The following CEACAM21 variants were observed in gnomAD, a reference collection of about 807,000 sequenced individuals.
CEACAM21 encodes cell adhesion molecule CEACAM21.
Under a neutral mutation model 33.2 loss-of-function variants are expected in CEACAM21, and 38 were observed. The ratio of observed to expected loss-of-function variants is 1.14; its 90% CI spans 0.88 to 1.50. CEACAM21 has a LOEUF of 1.50. Among genes scored for constraint, CEACAM21 ranks in the 40% most tolerant of loss-of-function variants. CEACAM21 has a pLI of 0.00. For synonymous variants in CEACAM21, 156 were observed against 143.0 expected (o/e 1.09, Z -0.65); for missense variants, 385 against 364.6 (o/e 1.06, Z -0.46).
intron 2 of CEACAM21, among the ~76,000 whole-genome samples, chr19:41,566,109 A>T (rs1002067012): frequency 6.6e-6 from 1 of 152,114 alleles, no homozygotes; most frequent in Non-Finnish European, 1.5e-5. Context: ...CCACCAAAGG[A>T]TCTCCAAGAT....
At chr19:41,576,365 G>A (rs1479051885) in intron 1 of CEACAM21, 27 bp downstream of exon 1, 7 of 1,598,248 alleles carry the variant, frequency 4.4e-6, no homozygotes, top group Non-Finnish European at 6.0e-6. Flanking sequence ...CTGGGAGTGG[G>A]TGGGAGGAGG....
intron 1 of CEACAM21, among the ~76,000 whole-genome samples, chr19:41,558,368 C>T (rs1469385222): frequency 6.6e-6 from 1 of 152,162 alleles, no homozygotes; most frequent in Non-Finnish European, 1.5e-5. Flanking sequence ...AAAAACCCAG[C>T]TGGGCACGGT....
Position 41,579,432 on chromosome 19 carries a change from A to T in CEACAM21, c.504A>T (p.Thr168=). ...GCTCCGTGGTCCTGACCTGCCACAC[A>T]AATAACACTGGAACCTCTTTCCAGT... is the stretch of plus-strand genomic sequence containing the variant. ...EKGSVVLTCH[T]NNTGTSFQWI... The change falls in exon 3 of 7, where the codon ACA becomes ACT. Residue 168 remains threonine, a synonymous_variant. Coordinates refer to ENST00000401445, the MANE Select transcript of CEACAM21 (RefSeq NM_001098506.4). 6.2e-7 allele frequency: 1 copy of T among 1,613,920 alleles called. No homozygotes were observed. Among genetic ancestry groups the T allele is most frequent in the African/African-American group, 1.3e-5 (1 of 75,012 alleles).
chr19:41,577,222 C>G lies in CEACAM21; in HGVS notation c.87C>G (p.Asn29Lys), dbSNP rs545179785. Residue 29 changes from asparagine (N) to lysine (K), a missense_variant, in exon 2 of 7, where the codon AAC becomes AAG. Transcript: ENST00000401445. The stretch of plus-strand genomic sequence containing the variant: ...TAGCCTCACTTTTAACTTTCTGGAA[C>G]GCACCCACCACTGCCTGGCTCTTTA... Reference protein sequence around the residue: ...LLTASLLTFWNAPTTAWLFIA... With the variant: ...LLTASLLTFWKAPTTAWLFIA... 3 of 1,614,090 alleles carry G rather than the reference C, an allele frequency of 1.9e-6. No individual in the cohort carries two copies. In the South Asian group the frequency reaches 3.3e-5, roughly 18 times the overall value.
At chr19:41,552,499 G>T (rs1459390711) in intron 1 of CEACAM21, among the ~76,000 whole-genome samples, 1 of 152,188 alleles carries the variant, frequency 6.6e-6, no homozygotes, top group African/African-American at 2.4e-5. Context: ...GGCACTTTCA[G>T]CTTTTGATAC....
At chr19:41,576,413 G>C in intron 1 of CEACAM21, 75 bp downstream of exon 1, 1 of 1,487,456 alleles carries the variant, frequency 6.7e-7, no homozygotes, top group Non-Finnish European at 9.1e-7. Context: ...GGGGAGGATG[G>C]GGCTCTGAGA....
intron 2 of CEACAM21, among the ~76,000 whole-genome samples, chr19:41,565,829 A>G (rs2042223834): frequency 2.6e-5 from 4 of 152,166 alleles, no homozygotes; most frequent in Admixed American, 2.6e-4. Flanking sequence ...TAGGTGACTA[A>G]TAAATAAAAA....
Position 41,579,198 on chromosome 19 carries a change from C to T in CEACAM21, c.425-155C>T, listed in dbSNP as rs185440805. 5 of 1,244,622 alleles carry T rather than the reference C, an allele frequency of 4.0e-6. No individual in the cohort carries two copies. The Middle Eastern group carries it at 6.0e-4, about 150-fold the overall frequency. 77.1% of individuals were successfully genotyped at this position (1,244,622 alleles called of 1,614,324 possible). A position where few individuals can be genotyped will look rare whatever the true frequency, so the allele number is the denominator to read the frequency against. ...GTCTCTGAGGTCACTGTAGTCCCTA[C>T]TGCTCGCTGCTATGGGTGTCTCTGG... is the stretch of plus-strand genomic sequence containing the variant. On this transcript the variant is annotated intron_variant, in intron 2 of 6. Transcript: ENST00000401445.
rs1047614085 is a variant in CEACAM21 at position 41,553,075 on chromosome 19, T to C, written c.-779+3523T>C. On this transcript the variant is annotated intron_variant, in intron 1 of 7. Coordinates refer to the CEACAM21 transcript ENST00000407170. The stretch of plus-strand genomic sequence containing the variant: ...CTAGAATTTAAAAACAGGTGTACTA[T>C]AGTTTCCAAAAGTTTTTGAAACATA... Among the ~76,000 whole-genome samples the C allele has an allele frequency of 2.0e-5, 3 of 152,106 alleles. 1 individual carries two copies. Among genetic ancestry groups the C allele is most frequent in the Non-Finnish European group, 4.4e-5 (3 of 67,966 alleles).
intron 1 of CEACAM21, among the ~76,000 whole-genome samples, chr19:41,563,886 G>T (rs781985984): frequency 3.3e-5 from 5 of 152,222 alleles, no homozygotes; most frequent in African/African-American, 9.6e-5. Context: ...CCATGGAGCT[G>T]CCCTAAGGCT....
rs75057543 is a variant in CEACAM21, at chr19:41,577,183, T to C, written c.65-17T>C. 7,609 of 1,613,388 alleles carry C rather than the reference T, an allele frequency of 4.7e-3. 317 individuals are homozygous for C. The African/African-American group carries it at 0.09, about 19-fold the overall frequency. ...TGCATAGGTCAAATATTGACTGATA[T>C]TCTCTCCCTTTCCTAGCCTCACTTT... On this transcript the variant is annotated splice_polypyrimidine_tract_variant and intron_variant, in intron 1 of 6. Transcript: ENST00000401445.
intron 1 of CEACAM21, among the ~76,000 whole-genome samples, chr19:41,559,964 A>G (rs1351434717): frequency 6.6e-6 from 1 of 152,196 alleles, no homozygotes; most frequent in Non-Finnish European, 1.5e-5. Context: ...AGCCTGGACA[A>G]CAGGGCAATA....
upstream of CEACAM21, among the ~76,000 whole-genome samples, chr19:41,571,718 T>C (rs552531138): frequency 1.6e-4 from 24 of 152,364 alleles, no homozygotes; most frequent in South Asian, 4.6e-3. Flanking sequence ...CTGGACAGTG[T>C]TGGGGTCTTA....
rs187562926 is a variant in CEACAM21 at position 41,559,668 on chromosome 19, G to T, written c.-778-5014G>T. Among the ~76,000 whole-genome samples the T allele has an allele frequency of 2.0e-5, 3 of 152,226 alleles. No homozygotes were observed. In the South Asian group the frequency reaches 6.2e-4, roughly 32 times the overall value. On this transcript the variant is annotated intron_variant, in intron 1 of 7. Coordinates refer to the CEACAM21 transcript ENST00000407170. ...TTATTAAGAAAAAGTGAGAGAAGAC[G>T]CCAGTACTCATAAATAGGAATGAAA...
intron 3 of CEACAM21, among the ~76,000 whole-genome samples, chr19:41,583,944 G>C (rs1360660711): frequency 2.0e-5 from 3 of 152,174 alleles, no homozygotes; most frequent in African/African-American, 7.2e-5. Context: ...CTTCCATGTG[G>C]AAGGCCCCTG....
In CEACAM21 at chr19:41,577,221, A is replaced by G. The variant is rs782285580; in HGVS notation, c.86A>G (p.Asn29Ser). ...LLTASLLTFW[N>S]APTTAWLFIA... ...CTAGCCTCACTTTTAACTTTCTGGA[A>G]CGCACCCACCACTGCCTGGCTCTTT... Residue 29 changes from asparagine to serine, a missense_variant, in exon 2 of 7, where the codon AAC (asparagine) becomes AGC (serine). Transcript: ENST00000401445. The G allele has an allele frequency of 2.5e-6, 4 of 1,614,014 alleles. No homozygotes were observed. Among genetic ancestry groups the G allele is most frequent in the African/African-American group, 1.3e-5 (1 of 74,964 alleles).
rs1555791510 is a variant in CEACAM21 at position 41,577,291 on chromosome 19, T to C, written c.156T>C (p.His52=). 1 of 1,614,032 alleles carries C rather than the reference T, an allele frequency of 6.2e-7. No homozygotes were observed. The highest frequency in any genetic ancestry group is 1.3e-5 in the African/African-American group (1 of 74,912). ...AAGTTGCTGAAGGGGAGAATGTTCA[T>C]CTCTCTGTGGTTTATCTGCCCGAGA... ...PFEVAEGENV[H]LSVVYLPENL... Residue 52 remains histidine, a synonymous_variant, in exon 2 of 7, where the codon CAT becomes CAC. Transcript: ENST00000401445.
chr19:41,552,033 G>A (rs1175444604), intron 1 of CEACAM21: 1 of 152,182 alleles, frequency 6.6e-6, no homozygotes, highest in Non-Finnish European at 1.5e-5. Context: ...ACAGAGAGAA[G>A]GCCCAGAAAA....
At chr19:41,575,730 G>C (rs1351102219), upstream of CEACAM21, among the ~76,000 whole-genome samples, 1 of 152,058 alleles carries the variant, frequency 6.6e-6, no homozygotes, top group East Asian at 1.9e-4. Flanking sequence ...CAGAGGCCAG[G>C]CTGGTGACAC....
Sources: gnomAD v4.1 joint callset for allele counts (sites outside exome capture counted in the v4.1 genomes callset) on GRCh38, gnomAD v4.1.1 for gene constraint, MANE v1.5 for transcripts, NCBI Gene and HGNC (gene_info 2026-07-23, HGNC 2026-07-21) for gene names.